STARD9: variants seen among roughly 807,000 people sequenced by gnomAD.
The protein encoded by STARD9 is StAR related lipid transfer domain containing 9, also known as stAR-related lipid transfer protein 9.
In STARD9, 346 loss-of-function variants were observed where a neutral mutation model predicts 399.8. The observed-to-expected ratio is 0.87, with a 90% confidence interval of 0.79 to 0.95. The LOEUF (loss-of-function observed/expected upper bound fraction) is 0.95. Ranked by LOEUF, STARD9 falls within the 40% of genes least tolerant of loss-of-function variation. The probability of loss-of-function intolerance (pLI) is 0.00; values close to 1 mark genes in which losing one functional copy is unlikely to be tolerated. For synonymous variants in STARD9, 2,203 were observed against 2,143.5 expected (o/e 1.03, Z -0.77); for missense variants, 5,832 against 5,667.5 (o/e 1.03, Z -0.93).
At chr15:42,709,109 A>C (rs2061154391) in intron 26 of STARD9, among the ~76,000 whole-genome samples, 1 of 152,222 alleles carries the variant, frequency 6.6e-6, no homozygotes, top group South Asian at 2.1e-4. Flanking sequence ...ATGATTAATG[A>C]ACATGGCTGA....
intron 20 of STARD9, among the ~76,000 whole-genome samples, 158 bp from the exon 21 acceptor site, chr15:42,681,264 G>A (rs2060421004): frequency 6.6e-6 from 1 of 152,184 alleles, no homozygotes; most frequent in South Asian, 2.1e-4. Context: ...TAAGCTGCCT[G>A]TGACACCAGG....
At chr15:42,712,081 T>TATATATATATATATA (rs57090140) in intron 26 of STARD9, among the ~76,000 whole-genome samples, 1 of 39,154 alleles carries the variant, frequency 2.6e-5, no homozygotes, top group African/African-American at 3.3e-4. Flanking sequence ...TATATATATA[T>TATATATATATATATA]TATATATATA....
rs1282279589 is a variant in STARD9, at chr15:42,681,609, GA to G, written c.2065del (p.Asn689ThrfsTer24). 1 of 1,535,796 alleles carries G rather than the reference GA, an allele frequency of 6.5e-7. No homozygotes were observed. ...AGCTTGGATTAGCCAGCAGATTAAA[GA>G]AAGTAGGTGTCCACCACTTAATGTG... Reference protein sequence around the residue: ...DQAWISQQIKENQQCLLREET... With the variant: ...DQAWISQQIKXNQQCLLREET... On this transcript the variant is annotated frameshift_variant and splice_region_variant, in exon 21 of 33. Coordinates refer to ENST00000290607, the MANE Select transcript of STARD9 (RefSeq NM_020759.3). LOFTEE classifies it high-confidence loss of function.
chr15:42,642,735 TG>T (rs1344250635), intron 7 of STARD9, among the ~76,000 whole-genome samples: 5 of 152,214 alleles, frequency 3.3e-5, no homozygotes, highest in Admixed American at 6.5e-5. Flanking sequence ...TTTGCAATAG[TG>T]ATTGTTTTTA....
In STARD9 at chr15:42,661,045, T is replaced by C. The variant is rs1419566260; in HGVS notation, c.703-113T>C. On this transcript the variant is annotated intron_variant, in intron 9 of 32. Coordinates refer to ENST00000290607, the MANE Select transcript of STARD9 (RefSeq NM_020759.3). ...GGTTTACATCACATTAGAATACAGATTTGTTGAGTGAATTGGATAAAAATC... is the reference window on the plus strand; with the variant it reads ...GGTTTACATCACATTAGAATACAGACTTGTTGAGTGAATTGGATAAAAATC... 7.0e-6 allele frequency: 5 copies of C among 718,268 alleles called. No individual in the cohort carries two copies. In the African/African-American group the frequency reaches 8.7e-5, roughly 13 times the overall value. 44.5% of individuals were successfully genotyped at this position (718,268 alleles called of 1,614,324 possible).
rs1199736779 is a variant in STARD9, at chr15:42,693,771, T to C, written c.12193T>C (p.Ser4065Pro). The change falls in exon 23 of 33, where the codon TCT becomes CCT. Residue 4065 changes from serine (S) to proline (P), a missense_variant. By Grantham distance (74) the Ser-to-Pro change is moderately conservative (BLOSUM62 -1). Transcript: ENST00000290607. Reference sequence around the variant, plus strand: ...AGAAAATGGAGGTGAGAGTTCAGCATCTCCAGGGGAACCACAACGCACTCT... The same window carrying C: ...AGAAAATGGAGGTGAGAGTTCAGCACCTCCAGGGGAACCACAACGCACTCT... ...RTENGGESSA[S>P]PGEPQRTLDR... The C allele has an allele frequency of 6.5e-7, 1 of 1,536,268 alleles. No individual in the cohort carries two copies. Among genetic ancestry groups the C allele is most frequent in the Admixed American group, 2.0e-5 (1 of 50,956 alleles).
intron 3 of STARD9, among the ~76,000 whole-genome samples, chr15:42,589,298 C>T (rs1050972594): frequency 1.3e-5 from 2 of 152,116 alleles, no homozygotes; most frequent in South Asian, 2.1e-4. Context: ...GTGATCCTCC[C>T]GCCTTGGCTT....
At chr15:42,591,175 C>T (rs1163033853) in intron 3 of STARD9, among the ~76,000 whole-genome samples, 6 of 152,156 alleles carry the variant, frequency 3.9e-5, no homozygotes, top group Admixed American at 6.5e-5. Context: ...CAGTAGCAAT[C>T]CCCCAACTGT....
intron 3 of STARD9, among the ~76,000 whole-genome samples, chr15:42,604,005 G>T (rs2141768324): frequency 6.6e-6 from 1 of 152,212 alleles, no homozygotes. Flanking sequence ...TTACAAAGGT[G>T]GTCTGGTCCC....
intron 26 of STARD9, 51 bp downstream of exon 26, chr15:42,695,931 AGAGTTTGAGCAGGACGCTGTGCCTCCTG>A: frequency 6.6e-7 from 1 of 1,514,388 alleles, no homozygotes; most frequent in Non-Finnish European, 8.8e-7. Context: ...TGCCAAGGCA[AGAGTTTGAGCAGGACGCTGTGCCTCCTG>A]GAGTTTGGGC....
At chr15:42,684,073 G>A in intron 22 of STARD9, 43 bp from the exon 23 acceptor site, 2 of 1,491,030 alleles carry the variant, frequency 1.3e-6, no homozygotes, top group Non-Finnish European at 1.8e-6. Context: ...ACAGGAAGTA[G>A]TACCTCTCAC....
Position 42,692,392 on chromosome 15 carries a change from C to G in STARD9, c.10814C>G (p.Pro3605Arg), listed in dbSNP as rs61735127. 4 of 1,536,970 alleles carry G rather than the reference C, an allele frequency of 2.6e-6. No homozygotes were observed. Among genetic ancestry groups the G allele is most frequent in the Admixed American group, 3.9e-5 (2 of 50,994 alleles). The stretch of plus-strand genomic sequence containing the variant: ...GCAGACTGTCTGAGGAGTAAGCCCC[C>G]CTTGGCCAAAGGAAGTGCTGCAGGT... ...GEADCLRSKP[P>R]LAKGSAAGPV... The change falls in exon 23 of 33, where the codon CCC (proline) becomes CGC (arginine). Residue 3605 changes from proline (P) to arginine (R), a missense_variant. Pro to Arg is a moderately radical substitution (Grantham distance 103, BLOSUM62 -2). Coordinates refer to ENST00000290607, the MANE Select transcript of STARD9 (RefSeq NM_020759.3).
chr15:42,719,044 C>A lies in STARD9; in HGVS notation c.14001+134C>A. 4.1e-6 allele frequency: 3 copies of A among 725,010 alleles called. No homozygotes were observed. In the South Asian group the frequency reaches 5.6e-5, roughly 14 times the overall value. The allele number at this position is 725,010 out of a possible 1,614,324, so 44.9% of individuals were successfully genotyped here. A position where few individuals can be genotyped will look rare whatever the true frequency, so the allele number is the denominator to read the frequency against. Reference sequence around the variant, plus strand: ...GGCCTGAGACCTGGAGACTTGAGGGCTTCCTGGGCTTTTGCAGTAAGGGGA... The same window carrying A: ...GGCCTGAGACCTGGAGACTTGAGGGATTCCTGGGCTTTTGCAGTAAGGGGA... On this transcript the variant is annotated intron_variant, in intron 32 of 32. Coordinates refer to ENST00000290607, the MANE Select transcript of STARD9 (RefSeq NM_020759.3).
chr15:42,658,968 C>G (rs2059936212), intron 9 of STARD9, among the ~76,000 whole-genome samples: 2 of 152,036 alleles, frequency 1.3e-5, no homozygotes, highest in South Asian at 2.1e-4. Context: ...CAAAAATTAG[C>G]CAGGCTTGGT....
At chr15:42,596,818 A>G (rs1258201938) in intron 3 of STARD9, among the ~76,000 whole-genome samples, 1 of 152,262 alleles carries the variant, frequency 6.6e-6, no homozygotes, top group Admixed American at 6.5e-5. Flanking sequence ...TATTTTGCTT[A>G]AAGGCAATGT....
intron 7 of STARD9, among the ~76,000 whole-genome samples, chr15:42,649,854 A>C (rs1190738863): frequency 7.5e-6 from 1 of 133,488 alleles, no homozygotes; most frequent in African/African-American, 2.9e-5. Flanking sequence ...TGAGGCACCG[A>C]GCCTGGCCTT....
In STARD9 at chr15:42,691,864, C is replaced by CT; in HGVS notation, c.10289dup (p.Leu3430PhefsTer17). 1 of 1,537,294 alleles carries CT rather than the reference C, an allele frequency of 6.5e-7. No homozygotes were observed. The highest frequency in any genetic ancestry group is 8.7e-7 in the Non-Finnish European group (1 of 1,146,924). On this transcript the variant is annotated frameshift_variant, in exon 23 of 33. Coordinates refer to ENST00000290607, the MANE Select transcript of STARD9 (RefSeq NM_020759.3). LOFTEE classifies it high-confidence loss of function. The stretch of plus-strand genomic sequence containing the variant: ...TTCACGACCAGCTGGATGTCTGGTA[C>CT]TTTGGAACAAGCCCAACAGGGAAAG...
intron 9 of STARD9, among the ~76,000 whole-genome samples, chr15:42,653,395 A>C (rs1481673715): frequency 6.6e-6 from 1 of 152,190 alleles, no homozygotes; most frequent in Non-Finnish European, 1.5e-5. Context: ...AAAACTTCCT[A>C]AATTTGTTGA....
chr15:42,576,933 G>A (rs943213004), intron 1 of STARD9, among the ~76,000 whole-genome samples: 2 of 152,158 alleles, frequency 1.3e-5, no homozygotes, highest in Non-Finnish European at 2.9e-5. Context: ...GACCTGCTGC[G>A]TTTTGATTGG....
Sources: allele counts gnomAD v4.1 joint callset (sites outside exome capture counted in the v4.1 genomes callset), GRCh38; gene constraint gnomAD v4.1.1; transcripts MANE v1.5; gene names NCBI Gene and HGNC (gene_info 2026-07-23, HGNC 2026-07-21).